The following EGLN1 variants were observed in gnomAD, a reference collection of about 807,000 sequenced individuals.
The protein encoded by EGLN1 is egl nine homolog 1.
A neutral mutation model predicts 38.3 loss-of-function variants in EGLN1; 17 were observed. That is an observed-to-expected ratio of 0.44 (90% CI 0.30 to 0.67). EGLN1 has a LOEUF of 0.67. EGLN1 is among the 30% of genes least tolerant of loss of function. The probability of loss-of-function intolerance (pLI) is 0.08; values close to 1 mark genes in which losing one functional copy is unlikely to be tolerated. For missense variants in EGLN1, 477 were observed against 603.3 expected (o/e 0.79, Z 2.19); for synonymous variants, 283 against 257.5 (o/e 1.10, Z -0.95).
chr1:231,395,170 C>G (rs182619130), intron 1 of EGLN1, among the ~76,000 whole-genome samples: 1 of 152,170 alleles, frequency 6.6e-6, no homozygotes, highest in African/African-American at 2.4e-5. Flanking sequence ...GCTCCCTCCC[C>G]CAACATACAA....
rs1309942254 is a variant in EGLN1, at chr1:231,385,509, G to C, written c.892-11410C>G. Among the ~76,000 whole-genome samples the C allele has an allele frequency of 2.0e-5, 3 of 152,210 alleles. No homozygotes were observed. In the East Asian group the frequency reaches 5.8e-4, roughly 29 times the overall value. On this transcript the variant is annotated intron_variant, in intron 1 of 4. Transcript: ENST00000366641. ...CCAGGAAGAGAAAAGGTCATGGTGT[G>C]TGTGTAGACACATGCTGTGTAAACT...
chr1:231,395,719 C>T (rs2486733), intron 1 of EGLN1, among the ~76,000 whole-genome samples: 82,901 of 152,068 alleles, frequency 0.55, 24,221 homozygotes, highest in Non-Finnish European at 0.65. Flanking sequence ...TGGGATACAT[C>T]GATGAACAAT....
chr1:231,385,148 A>T (rs1688172033), intron 1 of EGLN1, among the ~76,000 whole-genome samples: 1 of 152,240 alleles, frequency 6.6e-6, no homozygotes, highest in Non-Finnish European at 1.5e-5. Context: ...ATATAAAAGA[A>T]GATGACTCTA....
intron 2 of EGLN1, among the ~76,000 whole-genome samples, chr1:231,373,680 G>A (rs1478590454): frequency 1.5e-3 from 2 of 1,324 alleles, no homozygotes; most frequent in Non-Finnish European, 0.017. Flanking sequence ...GTGTGTGCGT[G>A]TGTGTGTGTG....
At chr1:231,386,836 G>T (rs1688221994) in intron 1 of EGLN1, among the ~76,000 whole-genome samples, 1 of 152,152 alleles carries the variant, frequency 6.6e-6, no homozygotes, top group Admixed American at 6.5e-5. Context: ...AAGATTGATA[G>T]AAGTACTGCT....
chr1:231,409,794 T>A (rs1688889249), intron 1 of EGLN1, among the ~76,000 whole-genome samples: 1 of 152,240 alleles, frequency 6.6e-6, no homozygotes, highest in Non-Finnish European at 1.5e-5. Context: ...AGTATTTCTT[T>A]ATTTTCTCAC....
chr1:231,416,509 G>A (rs1689087196), intron 1 of EGLN1, among the ~76,000 whole-genome samples: 1 of 149,936 alleles, frequency 6.7e-6, no homozygotes, highest in South Asian at 2.1e-4. Flanking sequence ...CTGAGACCAT[G>A]GGCTCGCACC....
chr1:231,421,696 G>C lies in EGLN1; in HGVS notation c.193C>G (p.Leu65Val), dbSNP rs1656623177. The change falls in exon 1 of 5, where the codon CTC (leucine) becomes GTC (valine). Residue 65 changes from leucine (L) to valine (V), a missense_variant. Around this residue, in one of 4 missense-constraint regions of EGLN1, gnomAD observed 298 missense variants for 288.9 expected, o/e 1.03. Coordinates refer to ENST00000366641, the MANE Select transcript of EGLN1 (RefSeq NM_022051.3). The surrounding 1 kb of genome is among the most constrained non-coding windows in gnomAD (Gnocchi z 5.5). Reference sequence around the variant, plus strand: ...TGGTGTGGGCCCACTCCGTGGCCGAGGGCGCCCTCGCTGCCCTGGCACACG... The same window carrying C: ...TGGTGTGGGCCCACTCCGTGGCCGACGGCGCCCTCGCTGCCCTGGCACACG... The part of the protein sequence containing the change: ...KLVCQGSEGA[L>V]GHGVGPHQHS... The C allele has an allele frequency of 6.6e-7, 1 of 1,513,120 alleles. No homozygotes were observed. The highest frequency in any genetic ancestry group is 2.6e-5 in the East Asian group (1 of 37,936). 93.7% of individuals were successfully genotyped at this position (1,513,120 alleles called of 1,614,324 possible). A position where few individuals can be genotyped will look rare whatever the true frequency, so the allele number is the denominator to read the frequency against.
chr1:231,396,186 A>G (rs2790884), intron 1 of EGLN1, among the ~76,000 whole-genome samples: 82,102 of 150,426 alleles, frequency 0.55, 23,999 homozygotes, highest in Non-Finnish European at 0.65. Context: ...TTTTCTTTCA[A>G]TACACATCCC....
intron 1 of EGLN1, 61 bp downstream of exon 1, chr1:231,420,937 G>A: frequency 6.2e-7 from 1 of 1,613,220 alleles, no homozygotes; most frequent in Non-Finnish European, 8.5e-7. Flanking sequence ...AGTTTCAGTC[G>A]CAGGCAGGGG....
intron 1 of EGLN1, among the ~76,000 whole-genome samples, chr1:231,410,645 T>C (rs2486722): frequency 0.15 from 23,018 of 151,950 alleles, 2,145 homozygotes; most frequent in African/African-American, 0.25. Flanking sequence ...TCCTTCTACA[T>C]ACACATCTTC....
chr1:231,410,485 C>T (rs569350075), intron 1 of EGLN1, among the ~76,000 whole-genome samples: 1 of 152,316 alleles, frequency 6.6e-6, no homozygotes, highest in African/African-American at 2.4e-5. Context: ...GAAGATGTAG[C>T]TAGACTGTGC....
chr1:231,410,575 G>A (rs754994096), intron 1 of EGLN1, among the ~76,000 whole-genome samples: 34 of 152,118 alleles, frequency 2.2e-4, no homozygotes, highest in Non-Finnish European at 3.8e-4. Context: ...AATCTGTTAT[G>A]TAGCAATAAA....
rs761718628 is a variant in EGLN1 at position 231,365,476 on chromosome 1, A to G, written c.*935T>C. Reference sequence around the variant, plus strand: ...AACATGGCAAAACCCCGTCTCTACTAAACATACAAAAATTAGTCAGGCATG... The same window carrying G: ...AACATGGCAAAACCCCGTCTCTACTGAACATACAAAAATTAGTCAGGCATG... On this transcript the variant is annotated 3_prime_UTR_variant, in exon 5 of 5. Coordinates refer to ENST00000366641, the MANE Select transcript of EGLN1 (RefSeq NM_022051.3). The G allele has an allele frequency of 3.9e-5, 6 of 152,134 alleles. No homozygotes were observed. Among genetic ancestry groups the G allele is most frequent in the Admixed American group, 1.3e-4 (2 of 15,278 alleles). The allele number at this position is 152,134 out of a possible 1,614,324, so 9.4% of individuals were successfully genotyped here.
chr1:231,393,340 C>G (rs1035080482), intron 1 of EGLN1, among the ~76,000 whole-genome samples: 2 of 152,098 alleles, frequency 1.3e-5, no homozygotes, highest in African/African-American at 4.8e-5. Context: ...TATAACACGT[C>G]AGGTATCAAT....
chr1:231,405,806 A>G (rs576337976), intron 1 of EGLN1, among the ~76,000 whole-genome samples: 2 of 152,232 alleles, frequency 1.3e-5, no homozygotes, highest in African/African-American at 4.8e-5. Context: ...TGCAACATCA[A>G]AGCATAGTTC....
Position 231,367,718 on chromosome 1 carries a change from T to C in EGLN1, c.1149-82A>G. ...TTTTGCTGCAATGGTATATTAAAAC[T>C]TGTAATGCCAAAATTATGCCTAAAC... On this transcript the variant is annotated intron_variant, in intron 3 of 4. Coordinates refer to ENST00000366641, the MANE Select transcript of EGLN1 (RefSeq NM_022051.3). 3 of 1,192,930 alleles carry C rather than the reference T, an allele frequency of 2.5e-6. 1 individual carries two copies. The South Asian group carries it at 3.7e-5, about 15-fold the overall frequency. 73.9% of individuals were successfully genotyped at this position (1,192,930 alleles called of 1,614,324 possible). A position where few individuals can be genotyped will look rare whatever the true frequency, so the allele number is the denominator to read the frequency against.
At chr1:231,411,230 A>G (rs893988094) in intron 1 of EGLN1, among the ~76,000 whole-genome samples, 1 of 152,062 alleles carries the variant, frequency 6.6e-6, no homozygotes, top group African/African-American at 2.4e-5. Context: ...TTCTCATGAG[A>G]TCTTATGTTA....
chr1:231,372,763 G>A (rs1687860060), intron 2 of EGLN1, among the ~76,000 whole-genome samples: 1 of 152,194 alleles, frequency 6.6e-6, no homozygotes, highest in Admixed American at 6.5e-5. Flanking sequence ...GTTTTAGAAA[G>A]ATTAGTGAAG....
Sources: gnomAD v4.1 joint callset for allele counts (sites outside exome capture counted in the v4.1 genomes callset) on GRCh38, gnomAD v4.1.1 for gene constraint, gnomAD v4.1.1 regional missense constraint, Gnocchi (gnomAD v3.1) non-coding constraint, MANE v1.5 for transcripts, NCBI Gene and HGNC (gene_info 2026-07-23, HGNC 2026-07-21) for gene names.